Variants in ITGA8 observed in about 807,000 individuals in gnomAD.
ITGA8 encodes the protein integrin subunit alpha 8, also known as integrin alpha-8.
A neutral mutation model predicts 142.3 loss-of-function variants in ITGA8; 91 were observed. The ratio of observed to expected loss-of-function variants is 0.64; its 90% CI spans 0.54 to 0.76. The LOEUF (loss-of-function observed/expected upper bound fraction) is 0.76. ITGA8 is among the 30% of genes least tolerant of loss of function. The probability of loss-of-function intolerance (pLI) is 0.00; values close to 1 mark genes in which losing one functional copy is unlikely to be tolerated. For synonymous variants in ITGA8, 505 were observed against 485.2 expected, an observed-to-expected ratio of 1.04 and a Z score of -0.54; for missense variants, 1,406 against 1,327.7, an observed-to-expected ratio of 1.06 and a Z score of -0.92.
chr10:15,600,237 T>G (rs1833080981), intron 20 of ITGA8, among the ~76,000 whole-genome samples: 1 of 151,964 alleles, frequency 6.6e-6, no homozygotes, highest in Non-Finnish European at 1.5e-5. Flanking sequence ...ATTAGGTATA[T>G]CTCCTAATGC....
chr10:15,566,042 A>C (rs1011553646), intron 25 of ITGA8, among the ~76,000 whole-genome samples: 1 of 152,128 alleles, frequency 6.6e-6, no homozygotes, highest in Non-Finnish European at 1.5e-5. Context: ...AGGAAGAAGA[A>C]AGTACCCTAA....
rs549894272 is a variant in ITGA8 at position 15,696,171 on chromosome 10, C to A, written c.344-8133G>T. 6.6e-5 allele frequency among the ~76,000 whole-genome samples: 10 copies of A among 152,324 alleles called. No individual in the cohort carries two copies. The South Asian group carries it at 2.1e-3, about 32-fold the overall frequency. On this transcript the variant is annotated intron_variant, in intron 2 of 29. Transcript: ENST00000378076. The stretch of plus-strand genomic sequence containing the variant: ...CGGGAGGACTGTCAACCCCACAGAA[C>A]GCAAAAGGACCAGTGGTTCCGGGAG...
At chr10:15,544,440 T>C (rs1261286420) in intron 27 of ITGA8, among the ~76,000 whole-genome samples, 1 of 152,198 alleles carries the variant, frequency 6.6e-6, no homozygotes. Context: ...GGTTTCAGAC[T>C]TCTGGTTTTG....
At chr10:15,626,578 C>A (rs1346255409) in intron 13 of ITGA8, among the ~76,000 whole-genome samples, 1 of 152,176 alleles carries the variant, frequency 6.6e-6, no homozygotes, top group Non-Finnish European at 1.5e-5. Context: ...TTGTGTATAT[C>A]TGCACCCTCG....
chr10:15,556,576 A>T (rs991737286), intron 26 of ITGA8, among the ~76,000 whole-genome samples: 1 of 152,008 alleles, frequency 6.6e-6, no homozygotes, highest in African/African-American at 2.4e-5. Flanking sequence ...TGTAATTTTT[A>T]TGGTTATGTA....
intron 2 of ITGA8, among the ~76,000 whole-genome samples, chr10:15,694,824 T>C (rs924969988): frequency 2.0e-5 from 3 of 151,248 alleles, no homozygotes; most frequent in Admixed American, 6.6e-5. Flanking sequence ...CACTCAGGAA[T>C]GAACTTATGA....
intron 13 of ITGA8, among the ~76,000 whole-genome samples, chr10:15,631,301 G>A (rs1833681094): frequency 6.6e-6 from 1 of 151,852 alleles, no homozygotes; most frequent in African/African-American, 2.4e-5. Flanking sequence ...CAATAGCAAA[G>A]ACTTGGAACC....
chr10:15,638,284 G>A (rs1441123339), intron 13 of ITGA8, among the ~76,000 whole-genome samples: 5 of 152,154 alleles, frequency 3.3e-5, no homozygotes, highest in Non-Finnish European at 7.4e-5. Flanking sequence ...AGATGAAACA[G>A]CTATAATGCA....
At chr10:15,531,713 G>A (rs1833298764) in intron 27 of ITGA8, among the ~76,000 whole-genome samples, 1 of 151,974 alleles carries the variant, frequency 6.6e-6, no homozygotes, top group South Asian at 2.1e-4. Flanking sequence ...CGAGGCCGGT[G>A]GATCCCCTGA....
At chr10:15,559,043 C>A (rs1265650083) in intron 25 of ITGA8, among the ~76,000 whole-genome samples, 1 of 152,192 alleles carries the variant, frequency 6.6e-6, no homozygotes, top group African/African-American at 2.4e-5. Flanking sequence ...ATAGTATGCC[C>A]ATCTCTATGG....
At chr10:15,665,955 C>T (rs1834383429) in intron 8 of ITGA8, among the ~76,000 whole-genome samples, 1 of 152,230 alleles carries the variant, frequency 6.6e-6, no homozygotes, top group African/African-American at 2.4e-5. Context: ...TAGGGTGATG[C>T]CTCCAGCTTT....
chr10:15,600,636 A>C (rs1355694828), intron 20 of ITGA8, among the ~76,000 whole-genome samples: 1 of 152,196 alleles, frequency 6.6e-6, no homozygotes, highest in East Asian at 1.9e-4. Context: ...CCTCAACGCA[A>C]TGGGGAGCTA....
chr10:15,641,780 T>C (rs1236759657), intron 13 of ITGA8, among the ~76,000 whole-genome samples: 1 of 152,152 alleles, frequency 6.6e-6, no homozygotes, highest in African/African-American at 2.4e-5. Context: ...GCAAAGTTGT[T>C]GACTAGCACA....
At chr10:15,521,591 C>T (rs1324145901) in intron 28 of ITGA8, among the ~76,000 whole-genome samples, 1 of 152,140 alleles carries the variant, frequency 6.6e-6, no homozygotes, top group African/African-American at 2.4e-5. Context: ...AAAGGCTGGC[C>T]TCAACCTAGT....
chr10:15,562,953 A>T (rs1259062929), intron 25 of ITGA8, among the ~76,000 whole-genome samples: 1 of 152,158 alleles, frequency 6.6e-6, no homozygotes, highest in Non-Finnish European at 1.5e-5. Context: ...ACGGGGGTGG[A>T]TCCCTCATGA....
chr10:15,653,098 C>T (rs1226762868), intron 11 of ITGA8, among the ~76,000 whole-genome samples: 1 of 152,224 alleles, frequency 6.6e-6, no homozygotes, highest in South Asian at 2.1e-4. Flanking sequence ...CTCCACAGCT[C>T]TCTGCTGGTT....
chr10:15,583,884 A>T (rs1486442162), intron 23 of ITGA8, among the ~76,000 whole-genome samples: 1 of 152,238 alleles, frequency 6.6e-6, no homozygotes, highest in Non-Finnish European at 1.5e-5. Flanking sequence ...CACAAACTCC[A>T]TAAACTGTTG....
intron 14 of ITGA8, 108 bp downstream of exon 14, chr10:15,616,406 T>C: frequency 1.1e-6 from 1 of 877,560 alleles, no homozygotes; most frequent in Non-Finnish European, 1.9e-6. Flanking sequence ...AAAGAGCATC[T>C]AAATATTCCC....
intron 24 of ITGA8, among the ~76,000 whole-genome samples, chr10:15,572,728 T>A (rs1298698404): frequency 6.6e-6 from 1 of 152,248 alleles, no homozygotes; most frequent in Non-Finnish European, 1.5e-5. Flanking sequence ...TTAGTGACTG[T>A]CTCTTTACAT....
Sources: gnomAD v4.1 joint callset for allele counts (sites outside exome capture counted in the v4.1 genomes callset) on GRCh38, gnomAD v4.1.1 for gene constraint, MANE v1.5 for transcripts, NCBI Gene and HGNC (gene_info 2026-07-23, HGNC 2026-07-21) for gene names.